The following GPAA1 variants were observed in gnomAD, a reference collection of about 807,000 sequenced individuals.
The protein encoded by GPAA1 is GPI-anchor transamidase component GPAA1.
In GPAA1, 54 loss-of-function variants were observed where a neutral mutation model predicts 64.0. The observed-to-expected ratio is 0.84, with a 90% confidence interval of 0.68 to 1.06. The LOEUF is 1.06. GPAA1 is among the 50% of genes least tolerant of loss of function. GPAA1 has a pLI of 0.00. For missense variants in GPAA1, 780 were observed against 822.3 expected (o/e 0.95, Z 0.63); for synonymous variants, 393 against 377.3 (o/e 1.04, Z -0.48).
At chr8:144,082,827 CG>C in intron 1 of GPAA1, 23 bp downstream of exon 1, 1 of 1,389,760 alleles carries the variant, frequency 7.2e-7, no homozygotes, top group South Asian at 1.6e-5. Context: ...CCCGGGGAGG[CG>C]GGGACCCGAG....
In GPAA1 at chr8:144,082,642, G is replaced by GGGGC; in HGVS notation, c.-89_-88insGGGC. ...GGACCGGAAGTGCGGGCGAGCGCGG[G>GGGGC]TCCCCGGGTCTGACAGGAGCAGCCT... On this transcript the variant is annotated 5_prime_UTR_variant, in exon 1 of 12. Transcript: ENST00000355091. 1 of 934,124 alleles carries GGGGC rather than the reference G, an allele frequency of 1.1e-6. No individual in the cohort carries two copies. Among genetic ancestry groups the GGGGC allele is most frequent in the East Asian group, 3.4e-5 (1 of 29,680 alleles). 57.9% of individuals were successfully genotyped at this position (934,124 alleles called of 1,614,324 possible).
chr8:144,082,911 C>A, intron 1 of GPAA1, 107 bp downstream of exon 1: 1 of 1,004,110 alleles, frequency 1.0e-6, no homozygotes, highest in South Asian at 1.9e-5. Context: ...CTGCTCGCGC[C>A]CCTCCGGCTG....
intron 9 of GPAA1, 51 bp from the exon 10 acceptor site, chr8:144,085,237 TG>T: frequency 6.6e-7 from 1 of 1,524,812 alleles, no homozygotes; most frequent in Non-Finnish European, 8.9e-7. Context: ...TGGTGGTCTT[TG>T]GGGATCCCCT....
In GPAA1 at chr8:144,086,202, C is replaced by G. The variant is rs1394440381; in HGVS notation, c.*77C>G. The G allele has an allele frequency of 2.4e-6, 3 of 1,242,248 alleles. No individual in the cohort carries two copies. In the East Asian group the frequency reaches 6.9e-5, roughly 29 times the overall value. 77.0% of individuals were successfully genotyped at this position (1,242,248 alleles called of 1,614,324 possible). A position where few individuals can be genotyped will look rare whatever the true frequency, so the allele number is the denominator to read the frequency against. On this transcript the variant is annotated 3_prime_UTR_variant, in exon 12 of 12. Transcript: ENST00000355091. ...TCCTTCTGGGGAAATAAATGAGTGT[C>G]TGTTTCAGCAGCTATTTGAGCTCCT... is the stretch of plus-strand genomic sequence containing the variant.
chr8:144,085,280 G>T lies in GPAA1; in HGVS notation c.1261-9G>T. 1 of 1,592,028 alleles carries T rather than the reference G, an allele frequency of 6.3e-7. No homozygotes were observed. The highest frequency in any genetic ancestry group is 8.6e-7 in the Non-Finnish European group (1 of 1,167,682). ...AGGGTCCATCTCCAAGAGCCTGTGT[G>T]CCCTGCAGGGTGTGGGGCTGGCCTC... On this transcript the variant is annotated splice_polypyrimidine_tract_variant and intron_variant, in intron 9 of 11. Coordinates refer to ENST00000355091, the MANE Select transcript of GPAA1 (RefSeq NM_003801.4).
Position 144,085,557 on chromosome 8 carries a change from G to C in GPAA1, c.1452-16G>C, listed in dbSNP as rs371849501. On this transcript the variant is annotated splice_polypyrimidine_tract_variant and intron_variant, in intron 10 of 11. Coordinates refer to ENST00000355091, the MANE Select transcript of GPAA1 (RefSeq NM_003801.4). Reference sequence around the variant, plus strand: ...CAGACAGCTTGTGGGTTGCCTCTGAGTCCTTTGTCTTACAGGGTGGTAAGC... The same window carrying C: ...CAGACAGCTTGTGGGTTGCCTCTGACTCCTTTGTCTTACAGGGTGGTAAGC... 3 of 1,611,204 alleles carry C rather than the reference G, an allele frequency of 1.9e-6. No homozygotes were observed. Among genetic ancestry groups the C allele is most frequent in the African/African-American group, 2.7e-5 (2 of 74,894 alleles).
chr8:144,084,089 T>C, intron 5 of GPAA1, 45 bp from the exon 6 acceptor site: 1 of 1,608,362 alleles, frequency 6.2e-7, no homozygotes, highest in Non-Finnish European at 8.5e-7. Flanking sequence ...AGGGTCACTG[T>C]CCTCACCACG....
intron 8 of GPAA1, 26 bp from the exon 9 acceptor site, chr8:144,085,017 C>T (rs1835973681): frequency 6.3e-7 from 1 of 1,590,240 alleles, no homozygotes. Context: ...CGTTACACCT[C>T]TTGTTGGGGT....
At position 144,082,685 on chromosome 8, in the gene GPAA1, A is replaced by G. The variant is rs779392807; in HGVS notation, c.-46A>G. The G allele has an allele frequency of 1.2e-5, 15 of 1,276,420 alleles. No individual in the cohort carries two copies. Among genetic ancestry groups the G allele is most frequent in the Non-Finnish European group, 1.5e-5 (15 of 986,776 alleles). The allele number at this position is 1,276,420 out of a possible 1,614,324, so 79.1% of individuals were successfully genotyped here. Reference sequence around the variant, plus strand: ...AGCAGCCTGTGGGCACCGCGGCGGTAGTTGGAGGCGGGAGAGGGTCCGTAG... The same window carrying G: ...AGCAGCCTGTGGGCACCGCGGCGGTGGTTGGAGGCGGGAGAGGGTCCGTAG... On this transcript the variant is annotated 5_prime_UTR_variant, in exon 1 of 12. Coordinates refer to ENST00000355091, the MANE Select transcript of GPAA1 (RefSeq NM_003801.4).
intron 1 of GPAA1, 54 bp from the exon 2 acceptor site, chr8:144,083,070 G>T: frequency 6.6e-7 from 1 of 1,525,128 alleles, no homozygotes; most frequent in South Asian, 1.1e-5. Context: ...GTGGCCTCGG[G>T]TCGGCGTCTG....
rs1039718193 is a variant in GPAA1 at position 144,085,435 on chromosome 8, G to A, written c.1407G>A (p.Leu469=). ...CTGAGGCTGTGGTGCTGACACTGCT[G>A]GCGATTTATGCAGCTGGCCTGGCCC... is the stretch of plus-strand genomic sequence containing the variant. ...AEAEAVVLTL[L]AIYAAGLALP... Residue 469 remains leucine (L), a synonymous_variant, in exon 10 of 12, where the codon CTG becomes CTA. Transcript: ENST00000355091. 7 of 1,604,308 alleles carry A rather than the reference G, an allele frequency of 4.4e-6. No individual in the cohort carries two copies. Among genetic ancestry groups the A allele is most frequent in the Non-Finnish European group, 5.9e-6 (7 of 1,179,928 alleles).
Position 144,084,503 on chromosome 8 carries a change from C to G in GPAA1, c.904C>G (p.Pro302Ala). The G allele has an allele frequency of 4.3e-6, 7 of 1,613,378 alleles. No individual in the cohort carries two copies. Among genetic ancestry groups the G allele is most frequent in the Non-Finnish European group, 5.9e-6 (7 of 1,179,826 alleles). Residue 302 changes from proline to alanine, a missense_variant, in exon 7 of 12, where the codon CCC (proline) becomes GCC (alanine). Pro to Ala is a conservative substitution (Grantham distance 27). Transcript: ENST00000355091. ...GGTTCTGCGGCAGGCCTCCGGCCGC[C>G]CCCACGGCTCCCATGGCCTCTTCCT... ...LMVLRQASGR[P>A]HGSHGLFLRY... is the part of the protein sequence containing the mutation.
intron 11 of GPAA1, 48 bp downstream of exon 11, chr8:144,085,791 C>G: frequency 6.2e-7 from 1 of 1,603,464 alleles, no homozygotes. Context: ...GCCCTCATCA[C>G]AGACCGCACC....
chr8:144,084,619 C>G lies in GPAA1; in HGVS notation c.1010+10C>G, dbSNP rs6558295. On this transcript the variant is annotated intron_variant, in intron 7 of 11. Coordinates refer to ENST00000355091, the MANE Select transcript of GPAA1 (RefSeq NM_003801.4). Reference sequence around the variant, plus strand: ...TGGTGGCAGTGGGCAAGTAAGTAGTCTCTGGTCCCCCCTTTCCATGCCCAG... The same window carrying G: ...TGGTGGCAGTGGGCAAGTAAGTAGTGTCTGGTCCCCCCTTTCCATGCCCAG... 142,384 of 1,607,866 alleles carry G rather than the reference C, an allele frequency of 0.089. 8,725 individuals carry two copies. Among genetic ancestry groups the G allele is most frequent in the African/African-American group, 0.31 (23,192 of 74,828 alleles).
At position 144,084,144 on chromosome 8, in the gene GPAA1, G is replaced by C. The variant is rs376959806; in HGVS notation, c.627G>C (p.Ser209=). The C allele has an allele frequency of 2.9e-5, 47 of 1,613,406 alleles. No homozygotes were observed. The highest frequency in any genetic ancestry group is 3.4e-5 in the Non-Finnish European group (40 of 1,179,950). The change falls in exon 6 of 12, where the codon TCG becomes TCC. Residue 209 remains serine, a synonymous_variant. Coordinates refer to ENST00000355091, the MANE Select transcript of GPAA1 (RefSeq NM_003801.4). The part of the protein sequence containing the change: ...YHDVNVTGMQ[S]SPLQGRAGAI... Reference sequence around the variant, plus strand: ...CACTTGCTCCTACAGGCATGCAGTCGTCTCCCCTGCAGGGCCGAGCTGGGG... The same window carrying C: ...CACTTGCTCCTACAGGCATGCAGTCCTCTCCCCTGCAGGGCCGAGCTGGGG...
chr8:144,084,648 G>A (rs1221139333), intron 7 of GPAA1, 39 bp downstream of exon 7: 5 of 1,605,620 alleles, frequency 3.1e-6, no homozygotes, highest in Non-Finnish European at 3.4e-6. Context: ...TGCCCAGGAT[G>A]GGGTCTAGCT....
chr8:144,085,594 A>G lies in GPAA1; in HGVS notation c.1473A>G (p.Pro491=). The G allele has an allele frequency of 6.2e-7, 1 of 1,613,716 alleles. No homozygotes were observed. The highest frequency in any genetic ancestry group is 8.5e-7 in the Non-Finnish European group (1 of 1,179,920). The change falls in exon 11 of 12, where the codon CCA becomes CCG. Residue 491 remains proline, a synonymous_variant. Transcript: ENST00000355091. Reference sequence around the variant, plus strand: ...ACAGGGTGGTAAGCACACAGGCCCCAGACAGGGGCTGGATGGCACTGAAGC... The same window carrying G: ...ACAGGGTGGTAAGCACACAGGCCCCGGACAGGGGCTGGATGGCACTGAAGC... ...NTHRVVSTQA[P]DRGWMALKLV...
chr8:144,084,558 G>A lies in GPAA1; in HGVS notation c.959G>A (p.Arg320His), dbSNP rs373198847. Residue 320 changes from arginine to histidine, a missense_variant, in exon 7 of 12, where the codon CGT (arginine) becomes CAT (histidine). Physicochemically the swap from Arg to His is conservative, Grantham distance 29. Transcript: ENST00000355091. ...LRYRVEALTL[R>H]GINSFRQYKY... is the part of the protein sequence containing the mutation. ...TACCGTGTGGAGGCCCTAACCCTGC[G>A]TGGCATCAATAGCTTCCGCCAGTAC... The A allele has an allele frequency of 2.1e-5, 34 of 1,613,984 alleles. No individual in the cohort carries two copies. Among genetic ancestry groups the A allele is most frequent in the South Asian group, 8.8e-5 (8 of 91,086 alleles).
At position 144,083,984 on chromosome 8, in the gene GPAA1, ATGACCTTCTGGGCAC is replaced by A. The variant is rs1564304455; in HGVS notation, c.564_578del (p.Asp188_Thr192del). ...GATATCGTCTTCCTGGTAACAGAAC[ATGACCTTCTGGGCAC>A]TGAGGCTTGGCTTGAAGCCTACCAC... On this transcript the variant is annotated inframe_deletion, in exon 5 of 12. Coordinates refer to ENST00000355091, the MANE Select transcript of GPAA1 (RefSeq NM_003801.4). The A allele has an allele frequency of 2.4e-5, 38 of 1,614,110 alleles. No individual in the cohort carries two copies. The highest frequency in any genetic ancestry group is 3.1e-5 in the Non-Finnish European group (36 of 1,179,988).
Sources: gnomAD v4.1 joint callset for allele counts on GRCh38, gnomAD v4.1.1 for gene constraint, MANE v1.5 for transcripts, NCBI Gene and HGNC (gene_info 2026-07-23, HGNC 2026-07-21) for gene names.